The following SPIRE2 variants were observed in gnomAD, a reference collection of about 807,000 sequenced individuals.
SPIRE2 encodes the protein protein spire homolog 2.
In SPIRE2, 76 loss-of-function variants were observed where a neutral mutation model predicts 80.7. The observed-to-expected ratio is 0.94, with a 90% CI of 0.78 to 1.14. The LOEUF is 1.14. Among genes scored for constraint, SPIRE2 ranks in the 50% most tolerant of loss-of-function variants. The pLI is 0.00. For synonymous variants in SPIRE2, 535 were observed against 432.6 expected, an observed-to-expected ratio of 1.24 and a Z score of -2.94; for missense variants, 1,196 against 1,015.3, an observed-to-expected ratio of 1.18 and a Z score of -2.42.
chr16:89,836,804 A>AC (rs2041454255), intron 1 of SPIRE2, among the ~76,000 whole-genome samples: 1 of 147,682 alleles, frequency 6.8e-6, no homozygotes, highest in Admixed American at 6.8e-5. Context: ...ACATGGAGAA[A>AC]CCCCGTCTCT....
chr16:89,851,951 G>C (rs1011510915), intron 3 of SPIRE2, among the ~76,000 whole-genome samples: 1 of 151,802 alleles, frequency 6.6e-6, no homozygotes, highest in Non-Finnish European at 1.5e-5. Flanking sequence ...TTTTGACGCC[G>C]GGTGGCAGCC....
chr16:89,847,763 C>T (rs1166059078), intron 2 of SPIRE2, among the ~76,000 whole-genome samples: 1 of 152,238 alleles, frequency 6.6e-6, no homozygotes, highest in African/African-American at 2.4e-5. Flanking sequence ...TGGCTGCCTG[C>T]CCAGAATTTT....
At chr16:89,851,800 G>A (rs1011040941) in intron 3 of SPIRE2, among the ~76,000 whole-genome samples, 10 of 152,068 alleles carry the variant, frequency 6.6e-5, no homozygotes, top group Non-Finnish European at 1.0e-4. Flanking sequence ...CTCTTGCCTC[G>A]GTGGCAGAAG....
In SPIRE2 at chr16:89,833,376, C is replaced by T. The variant is rs562953661; in HGVS notation, c.244+4582C>T. ...CTGACCTCAGGTGATCCGCCTGCCT[C>T]AGCCTCCAAAAGTGCTGGGATTACA... On this transcript the variant is annotated intron_variant, in intron 1 of 14. Transcript: ENST00000378247. Among the ~76,000 whole-genome samples, 4 of 152,012 alleles carry T rather than the reference C, an allele frequency of 2.6e-5. No homozygotes were observed. The South Asian group carries it at 6.2e-4, about 24-fold the overall frequency.
rs1045030504 is a variant in SPIRE2, at chr16:89,860,794, T to A, written c.1574T>A (p.Leu525Gln). 1.3e-6 allele frequency: 2 copies of A among 1,498,942 alleles called. No homozygotes were observed. The highest frequency in any genetic ancestry group is 2.6e-5 in the East Asian group (1 of 38,466). The allele number at this position is 1,498,942 out of a possible 1,614,324, so 92.9% of individuals were successfully genotyped here. Reference protein sequence around the residue: ...SMTPDAKHLWLEFSHPVESLA... With the variant: ...SMTPDAKHLWQEFSHPVESLA... ...ACCCCCGATGCCAAACACCTGTGGC[T>A]GGTGAGTGAGGGTGCGATTGTCGTC... Residue 525 changes from leucine to glutamine, a missense_variant and splice_region_variant, in exon 10 of 15, where the codon CTG (leucine) becomes CAG (glutamine). Leu to Gln is a moderately radical substitution (Grantham distance 113, BLOSUM62 -2). Transcript: ENST00000378247.
chr16:89,845,589 G>A (rs749275938), intron 2 of SPIRE2: 36 of 702,940 alleles, frequency 5.1e-5, no homozygotes, highest in Admixed American at 1.4e-4. Flanking sequence ...TGGTGCTTCC[G>A]GCCTGGAGGA....
At chr16:89,842,208 A>C (rs1464305966) in intron 1 of SPIRE2, among the ~76,000 whole-genome samples, 2 of 81,306 alleles carry the variant, frequency 2.5e-5, no homozygotes, top group Non-Finnish European at 4.2e-5. Context: ...TGAACACGTA[A>C]TTTTTTTTTT....
chr16:89,834,746 G>A (rs2041427194), intron 1 of SPIRE2, among the ~76,000 whole-genome samples: 1 of 104,632 alleles, frequency 9.6e-6, no homozygotes, highest in Non-Finnish European at 2.0e-5. Flanking sequence ...GAACCTGCCC[G>A]CACTCGCGGT....
intron 3 of SPIRE2, 133 bp downstream of exon 3, chr16:89,850,793 A>C (rs2041618732): frequency 2.1e-5 from 13 of 624,848 alleles, no homozygotes; most frequent in Non-Finnish European, 2.9e-5. Flanking sequence ...CGCTGGCATT[A>C]TGTATTCCCA....
intron 10 of SPIRE2, chr16:89,861,979 G>C (rs2041748306): frequency 6.6e-6 from 1 of 152,148 alleles, no homozygotes. Flanking sequence ...TTCTCAAGGG[G>C]AGGGAGAGAA....
At chr16:89,833,150 C>T (rs768773532) in intron 1 of SPIRE2, among the ~76,000 whole-genome samples, 3 of 151,954 alleles carry the variant, frequency 2.0e-5, no homozygotes, top group Admixed American at 6.6e-5. Context: ...TGCCACCGCA[C>T]ATGCCTTTTT....
intron 1 of SPIRE2, among the ~76,000 whole-genome samples, chr16:89,839,879 T>C (rs2041487663): frequency 6.6e-6 from 1 of 152,242 alleles, no homozygotes; most frequent in South Asian, 2.1e-4. Flanking sequence ...GGGGCCCTGG[T>C]GGCCTCACTG....
chr16:89,834,566 C>T (rs796173057), intron 1 of SPIRE2, among the ~76,000 whole-genome samples: 2 of 109,652 alleles, frequency 1.8e-5, no homozygotes, highest in East Asian at 2.6e-4. Context: ...GGTTGGCCGT[C>T]GTAGAAGGCC....
chr16:89,833,246 C>G (rs186238434), intron 1 of SPIRE2, among the ~76,000 whole-genome samples: 1 of 151,896 alleles, frequency 6.6e-6, no homozygotes, highest in Non-Finnish European at 1.5e-5. Flanking sequence ...GCCTTGGCCT[C>G]CGAAAGTGCT....
At chr16:89,844,530 C>T (rs2041538804) in intron 1 of SPIRE2, among the ~76,000 whole-genome samples, 1 of 151,862 alleles carries the variant, frequency 6.6e-6, no homozygotes, top group African/African-American at 2.4e-5. Flanking sequence ...GCTCTGCCTC[C>T]TGGGTTCACG....
chr16:89,869,689 T>G lies in SPIRE2; in HGVS notation c.1922+7T>G. 2 of 1,605,500 alleles carry G rather than the reference T, an allele frequency of 1.2e-6. No homozygotes were observed. The highest frequency in any genetic ancestry group is 1.7e-6 in the Non-Finnish European group (2 of 1,172,220). ...AGAGAAGAGACATCTTTCAGTGCGT[T>G]CTTCGCCTTGCTGCTGATGTCACTG... is the stretch of plus-strand genomic sequence containing the variant. On this transcript the variant is annotated splice_region_variant and intron_variant, in intron 14 of 14. Coordinates refer to ENST00000378247, the MANE Select transcript of SPIRE2 (RefSeq NM_032451.2).
chr16:89,862,126 C>T (rs1295255954), intron 10 of SPIRE2: 1 of 152,088 alleles, frequency 6.6e-6, no homozygotes, highest in East Asian at 1.9e-4. Flanking sequence ...GCCTCAGCCT[C>T]CCGAGTAGCT....
chr16:89,860,630 C>G, intron 9 of SPIRE2, 53 bp from the exon 10 acceptor site: 1 of 1,290,716 alleles, frequency 7.7e-7, no homozygotes, highest in Non-Finnish European at 1.1e-6. Context: ...GCACAGTCCT[C>G]TTTACCACAG....
At position 89,863,654 on chromosome 16, in the gene SPIRE2, C is replaced by A; in HGVS notation, c.1710+44C>A. 6.2e-7 allele frequency: 1 copy of A among 1,613,780 alleles called. No homozygotes were observed. The highest frequency in any genetic ancestry group is 8.5e-7 in the Non-Finnish European group (1 of 1,179,868). On this transcript the variant is annotated intron_variant, in intron 11 of 14. Coordinates refer to ENST00000378247, the MANE Select transcript of SPIRE2 (RefSeq NM_032451.2). The surrounding 1 kb of genome is among the most constrained non-coding windows in gnomAD (Gnocchi z 4.3). ...GGGGCTACGCTCTTGCCCGCTGGGTCAGGGGCGGGTGCCGAGAGGGCCAGT... is the reference window on the plus strand; with the variant it reads ...GGGGCTACGCTCTTGCCCGCTGGGTAAGGGGCGGGTGCCGAGAGGGCCAGT...
Sources: gnomAD v4.1 joint callset for allele counts (sites outside exome capture counted in the v4.1 genomes callset) on GRCh38, gnomAD v4.1.1 for gene constraint, Gnocchi (gnomAD v3.1) non-coding constraint, MANE v1.5 for transcripts, NCBI Gene and HGNC (gene_info 2026-07-23, HGNC 2026-07-21) for gene names.